MAP3K2: variants seen among roughly 807,000 people sequenced by gnomAD.
MAP3K2 encodes mitogen-activated protein kinase kinase kinase 2.
Under a neutral mutation model 80.3 loss-of-function variants are expected in MAP3K2, and 24 were observed. That is an observed-to-expected ratio of 0.30 (90% CI 0.22 to 0.42). The LOEUF is 0.42. Ranked by LOEUF, MAP3K2 falls within the 10% of genes least tolerant of loss-of-function variation. The pLI is 1.00. For missense variants in MAP3K2, 608 were observed against 750.1 expected, an observed-to-expected ratio of 0.81 and a Z score of 2.21; for synonymous variants, 244 against 253.7, an observed-to-expected ratio of 0.96 and a Z score of 0.36.
At chr2:127,374,063 T>C (rs561935890) in intron 1 of MAP3K2, among the ~76,000 whole-genome samples, 10 of 152,222 alleles carry the variant, frequency 6.6e-5, no homozygotes, top group Non-Finnish European at 1.3e-4. Context: ...CTGGTAAACA[T>C]GGAAAAGCGG....
chr2:127,341,859 G>A (rs1686500336), intron 2 of MAP3K2, among the ~76,000 whole-genome samples: 1 of 152,062 alleles, frequency 6.6e-6, no homozygotes, highest in Non-Finnish European at 1.5e-5. Flanking sequence ...ATGTTGGAAG[G>A]ACACTGAATT....
intron 1 of MAP3K2, among the ~76,000 whole-genome samples, chr2:127,381,915 T>C (rs1205168330): frequency 3.7e-5 from 2 of 54,472 alleles, no homozygotes; most frequent in African/African-American, 1.0e-4. Flanking sequence ...AACAATGCTA[T>C]GACGGGGGGA....
At chr2:127,386,666 T>C (rs940558730) in intron 1 of MAP3K2, among the ~76,000 whole-genome samples, 1 of 145,962 alleles carries the variant, frequency 6.9e-6, no homozygotes, top group Non-Finnish European at 1.5e-5. Flanking sequence ...GAAGCCATCT[T>C]TTAAATTTTT....
At chr2:127,343,051 C>T (rs935936762) in intron 2 of MAP3K2, 75 bp downstream of exon 2, 3 of 1,135,974 alleles carry the variant, frequency 2.6e-6, no homozygotes, top group African/African-American at 3.1e-5. Flanking sequence ...TATAATAACA[C>T]ATAATAGAGA....
At chr2:127,382,775 C>T (rs1687268481) in intron 1 of MAP3K2, among the ~76,000 whole-genome samples, 1 of 152,242 alleles carries the variant, frequency 6.6e-6, no homozygotes, top group Non-Finnish European at 1.5e-5. Context: ...ATCCGCCTGC[C>T]TTGGCCTCCC....
In MAP3K2 at chr2:127,374,563, G is replaced by A. The variant is rs529401501; in HGVS notation, c.-66+12889C>T. Among the ~76,000 whole-genome samples, 42 of 152,242 alleles carry A rather than the reference G, an allele frequency of 2.8e-4. 1 individual carries two copies. Among genetic ancestry groups the A allele is most frequent in the South Asian group, 1.0e-3 (5 of 4,822 alleles). On this transcript the variant is annotated intron_variant, in intron 1 of 16. Coordinates refer to ENST00000682094, the MANE Select transcript of MAP3K2 (RefSeq NM_001371910.2). ...CACAGGCACATCCCCTCCTTCAACA[G>A]GTGTTAACCCTAGAGGACTAGAACC...
At chr2:127,318,539 CATTT>C (rs1382261234) in intron 12 of MAP3K2, among the ~76,000 whole-genome samples, 1 of 152,172 alleles carries the variant, frequency 6.6e-6, no homozygotes, top group Non-Finnish European at 1.5e-5. Flanking sequence ...TCCCAAGACT[CATTT>C]TTTTCTGAAA....
intron 1 of MAP3K2, among the ~76,000 whole-genome samples, chr2:127,378,815 G>A (rs983936518): frequency 3.9e-5 from 6 of 152,010 alleles, no homozygotes; most frequent in Admixed American, 6.6e-5. Context: ...TACCCAGACC[G>A]GAAAGCAGCG....
At chr2:127,371,748 G>A in intron 1 of MAP3K2, among the ~76,000 whole-genome samples, 1 of 152,156 alleles carries the variant, frequency 6.6e-6, no homozygotes, top group East Asian at 1.9e-4. Flanking sequence ...GGAGAGGCAG[G>A]TCATATGAAG....
chr2:127,335,119 T>C (rs1686340148), intron 5 of MAP3K2, among the ~76,000 whole-genome samples: 1 of 152,206 alleles, frequency 6.6e-6, no homozygotes, highest in African/African-American at 2.4e-5. Flanking sequence ...AACTCATTTA[T>C]TAATGGTTTG....
chr2:127,345,812 T>TA (rs1686586191), intron 1 of MAP3K2, among the ~76,000 whole-genome samples: 1 of 152,076 alleles, frequency 6.6e-6, no homozygotes, highest in Non-Finnish European at 1.5e-5. Flanking sequence ...GAAAATACTT[T>TA]GAGATAAAAA....
intron 2 of MAP3K2, among the ~76,000 whole-genome samples, chr2:127,341,479 C>T (rs1016086338): frequency 6.7e-6 from 1 of 149,724 alleles, no homozygotes; most frequent in Non-Finnish European, 1.5e-5. Context: ...CTTATTTACC[C>T]ATAAGTACAC....
chr2:127,346,438 A>C (rs910481915), intron 1 of MAP3K2, among the ~76,000 whole-genome samples: 1 of 150,426 alleles, frequency 6.6e-6, no homozygotes. Flanking sequence ...AAAAAGAAGG[A>C]ACACTTCCCA....
In MAP3K2 at chr2:127,350,383, C is replaced by T. The variant is rs148055474; in HGVS notation, c.-65-7189G>A. ...TCAGGAGACTGAGGCAGGAGGATCACTTCAGCCCAGGGGTTTGTATCCCAC... is the reference window on the plus strand; with the variant it reads ...TCAGGAGACTGAGGCAGGAGGATCATTTCAGCCCAGGGGTTTGTATCCCAC... On this transcript the variant is annotated intron_variant, in intron 1 of 16. Coordinates refer to ENST00000682094, the MANE Select transcript of MAP3K2 (RefSeq NM_001371910.2). Among the ~76,000 whole-genome samples the T allele has an allele frequency of 3.6e-3, 534 of 149,512 alleles. 6 individuals are homozygous for T. The highest frequency in any genetic ancestry group is 0.012 in the African/African-American group (498 of 40,614).
chr2:127,321,714 T>C lies in MAP3K2; in HGVS notation c.1045+332A>G, dbSNP rs1039905458. On this transcript the variant is annotated intron_variant, in intron 12 of 16. Coordinates refer to ENST00000682094, the MANE Select transcript of MAP3K2 (RefSeq NM_001371910.2). The surrounding 1 kb of genome is among the most constrained non-coding windows in gnomAD (Gnocchi z 4.4). ...ATGCTATACAATAATTATTTCTCCA[T>C]GTATCATCTATCCCATTAGATTATG... Among the ~76,000 whole-genome samples, 6 of 152,226 alleles carry C rather than the reference T, an allele frequency of 3.9e-5. No homozygotes were observed. Among genetic ancestry groups the C allele is most frequent in the Non-Finnish European group, 7.3e-5 (5 of 68,044 alleles).
intron 7 of MAP3K2, among the ~76,000 whole-genome samples, chr2:127,328,002 C>T (rs1387375296): frequency 6.6e-6 from 1 of 152,226 alleles, no homozygotes. Context: ...GAGCTGGGCA[C>T]TGTGGCTCAC....
At position 127,341,494 on chromosome 2, in the gene MAP3K2, G is replaced by A. The variant is rs182866835; in HGVS notation, c.4+1632C>T. On this transcript the variant is annotated intron_variant, in intron 2 of 16. Transcript: ENST00000682094. Reference sequence around the variant, plus strand: ...CTTATTTACCCATAAGTACACTTACGTACTTATGGGTAAGTACAATGGGTT... The same window carrying A: ...CTTATTTACCCATAAGTACACTTACATACTTATGGGTAAGTACAATGGGTT... Among the ~76,000 whole-genome samples the A allele has an allele frequency of 3.6e-4, 52 of 144,524 alleles. No homozygotes were observed. In the East Asian group the frequency reaches 5.6e-3, roughly 16 times the overall value. The allele number at this position is 144,524 out of a possible 152,430, so 94.8% of individuals were successfully genotyped here.
At chr2:127,369,540 T>C (rs1429528809) in intron 1 of MAP3K2, among the ~76,000 whole-genome samples, 1 of 146,628 alleles carries the variant, frequency 6.8e-6, no homozygotes, top group Non-Finnish European at 1.5e-5. Flanking sequence ...AGATTGGAGA[T>C]CTCTTTCCAA....
chr2:127,327,207 G>A (rs946852574), intron 7 of MAP3K2, among the ~76,000 whole-genome samples: 4 of 152,146 alleles, frequency 2.6e-5, no homozygotes, highest in African/African-American at 9.7e-5. Flanking sequence ...TTAGTACAGT[G>A]TCTCACCTTT....
Sources: gnomAD v4.1 joint callset for allele counts (sites outside exome capture counted in the v4.1 genomes callset) on GRCh38, gnomAD v4.1.1 for gene constraint, Gnocchi (gnomAD v3.1) non-coding constraint, MANE v1.5 for transcripts, NCBI Gene and HGNC (gene_info 2026-07-23, HGNC 2026-07-21) for gene names.